The following ZC3HAV1 variants were observed in gnomAD, a reference collection of about 807,000 sequenced individuals.
ZC3HAV1 encodes the protein zinc finger CCCH-type containing, antiviral 1.
A neutral mutation model predicts 86.6 loss-of-function variants in ZC3HAV1; 41 were observed. The ratio of observed to expected loss-of-function variants is 0.47; its 90% CI spans 0.37 to 0.61. The LOEUF (loss-of-function observed/expected upper bound fraction) is 0.61. Ranked by LOEUF, ZC3HAV1 falls within the 20% of genes least tolerant of loss-of-function variation. The pLI, the probability that ZC3HAV1 is intolerant of heterozygous loss-of-function variation, is 0.00. For missense variants in ZC3HAV1, 964 were observed against 1,141.1 expected (o/e 0.84, Z 2.24); for synonymous variants, 421 against 432.1 (o/e 0.97, Z 0.32).
At position 139,064,964 on chromosome 7, in the gene ZC3HAV1, T is replaced by C. The variant is rs112428114; in HGVS notation, c.1908A>G (p.Ser636=). 8.7e-6 allele frequency: 14 copies of C among 1,614,058 alleles called. No homozygotes were observed. In the Admixed American group the frequency reaches 1.2e-4, roughly 13 times the overall value. The part of the protein sequence containing the change: ...DKRKNSNVDS[S]YLESLYQSCP... Reference sequence around the variant, plus strand: ...AGGATTGATAGAGAGACTCCAGGTATGAAGAGTCGACGTTTGAATTTTTCC... The same window carrying C: ...AGGATTGATAGAGAGACTCCAGGTACGAAGAGTCGACGTTTGAATTTTTCC... The change falls in exon 8 of 13, where the codon TCA becomes TCG. Residue 636 remains serine, a synonymous_variant. Coordinates refer to ENST00000242351, the MANE Select transcript of ZC3HAV1 (RefSeq NM_020119.4).
At chr7:139,090,278 C>T (rs1446769732) in intron 1 of ZC3HAV1, among the ~76,000 whole-genome samples, 1 of 152,098 alleles carries the variant, frequency 6.6e-6, no homozygotes, top group African/African-American at 2.4e-5. Context: ...ATATCATTGG[C>T]TTACACCTTT....
At chr7:139,088,434 C>T (rs1317733477) in intron 2 of ZC3HAV1, among the ~76,000 whole-genome samples, 3 of 152,216 alleles carry the variant, frequency 2.0e-5, no homozygotes, top group African/African-American at 7.2e-5. Context: ...GTCCATGTCA[C>T]ATCTTTTAAA....
At chr7:139,062,624 G>A (rs941359405) in intron 8 of ZC3HAV1, among the ~76,000 whole-genome samples, 4 of 152,100 alleles carry the variant, frequency 2.6e-5, no homozygotes, top group East Asian at 3.8e-4. Flanking sequence ...ATACAGGCTC[G>A]AAGAGCAACT....
chr7:139,107,600 C>A (rs4732352), intron 1 of ZC3HAV1, among the ~76,000 whole-genome samples: 36,559 of 151,776 alleles, frequency 0.24, 4,568 homozygotes, highest in East Asian at 0.44. Flanking sequence ...GTCAGGAGTT[C>A]GAGACCAGCC....
intron 1 of ZC3HAV1, among the ~76,000 whole-genome samples, chr7:139,103,652 AC>A (rs145375895): frequency 0.01 from 1,543 of 152,324 alleles, 27 homozygotes; most frequent in African/African-American, 0.035. Flanking sequence ...AAAAGCTCTA[AC>A]CATGAGCACC....
intron 1 of ZC3HAV1, among the ~76,000 whole-genome samples, chr7:139,093,551 T>G (rs1252167390): frequency 1.3e-5 from 2 of 152,176 alleles, no homozygotes. Context: ...CTGATGACAT[T>G]ACCTTGTGAA....
intron 1 of ZC3HAV1, among the ~76,000 whole-genome samples, chr7:139,106,385 G>A (rs1487920874): frequency 3.9e-5 from 6 of 152,308 alleles, no homozygotes; most frequent in East Asian, 3.9e-4. Context: ...GGCCTAGGCC[G>A]GCAGATCGCT....
rs978510508 is a variant in ZC3HAV1 at position 139,084,114 on chromosome 7, C to T, written c.445-82G>A. 3 of 1,540,866 alleles carry T rather than the reference C, an allele frequency of 1.9e-6. No homozygotes were observed. In the Admixed American group the frequency reaches 5.7e-5, roughly 29 times the overall value. ...ATTCATTAAGGCAAGCTCACGTGTG[C>T]AAAAATCTCTGAAGCAAGCAGAGAT... On this transcript the variant is annotated intron_variant, in intron 2 of 12. Coordinates refer to ENST00000242351, the MANE Select transcript of ZC3HAV1 (RefSeq NM_020119.4).
At chr7:139,051,880 T>C (rs567194533) in intron 12 of ZC3HAV1, among the ~76,000 whole-genome samples, 4 of 152,352 alleles carry the variant, frequency 2.6e-5, no homozygotes, top group African/African-American at 7.2e-5. Context: ...GGGGCAAGAA[T>C]TGAATTTAAT....
chr7:139,088,049 AAAAAAAG>A (rs1563137148), intron 2 of ZC3HAV1, among the ~76,000 whole-genome samples: 4 of 150,278 alleles, frequency 2.7e-5, no homozygotes, highest in Non-Finnish European at 4.4e-5. Flanking sequence ...AAAAAAAAAA[AAAAAAAG>A]AAAAAAGAAA....
At chr7:139,058,246 T>C (rs1457784335) in intron 9 of ZC3HAV1, among the ~76,000 whole-genome samples, 1 of 149,132 alleles carries the variant, frequency 6.7e-6, no homozygotes, top group Non-Finnish European at 1.5e-5. Context: ...TTATACAAAC[T>C]ATTCCAAGAC....
At chr7:139,106,646 A>G (rs547480875) in intron 1 of ZC3HAV1, among the ~76,000 whole-genome samples, 2 of 152,274 alleles carry the variant, frequency 1.3e-5, no homozygotes, top group African/African-American at 2.4e-5. Context: ...GATTATGTCT[A>G]TGTATCCTTT....
At position 139,044,996 on chromosome 7, in the gene ZC3HAV1, C is replaced by G. The variant is rs1204465563; in HGVS notation, c.*2598G>C. 2 of 152,182 alleles carry G rather than the reference C, an allele frequency of 1.3e-5. No individual in the cohort carries two copies. Among genetic ancestry groups the G allele is most frequent in the Non-Finnish European group, 2.9e-5 (2 of 68,038 alleles). The allele number at this position is 152,182 out of a possible 1,614,324, so 9.4% of individuals were successfully genotyped here. On this transcript the variant is annotated 3_prime_UTR_variant, in exon 13 of 13. Transcript: ENST00000242351. The stretch of plus-strand genomic sequence containing the variant: ...CATTTTCCCACATATGATCTGATCT[C>G]CTACCTTCTAAGTTCAAATTGATGC...
intron 11 of ZC3HAV1, 136 bp downstream of exon 11, chr7:139,053,827 GAA>G (rs34548487): frequency 4.4e-3 from 3,563 of 811,426 alleles, no homozygotes; most frequent in South Asian, 5.9e-3. Flanking sequence ...TTGATAGAAT[GAA>G]AAAAAAAAAA....
intron 7 of ZC3HAV1, among the ~76,000 whole-genome samples, chr7:139,065,626 C>T (rs1290667353): frequency 6.6e-6 from 1 of 152,156 alleles, no homozygotes; most frequent in Non-Finnish European, 1.5e-5. Flanking sequence ...GATGAGGTGG[C>T]CGGGTGCAGT....
At chr7:139,086,635 G>A (rs913441877) in intron 2 of ZC3HAV1, among the ~76,000 whole-genome samples, 1 of 152,144 alleles carries the variant, frequency 6.6e-6, no homozygotes, top group Admixed American at 6.5e-5. Flanking sequence ...TGGTTTGGCT[G>A]TGTCCCCACC....
chr7:139,100,967 C>G (rs1011681188), intron 1 of ZC3HAV1, among the ~76,000 whole-genome samples: 3 of 152,204 alleles, frequency 2.0e-5, no homozygotes, highest in African/African-American at 7.2e-5. Flanking sequence ...CTCAGCCTGC[C>G]GAGTGCCTGC....
intron 1 of ZC3HAV1, among the ~76,000 whole-genome samples, chr7:139,104,746 A>AT (rs1817879029): frequency 7.0e-6 from 1 of 142,042 alleles, no homozygotes; most frequent in Non-Finnish European, 1.5e-5. Flanking sequence ...AAAAAAAAAA[A>AT]GTCAAACAAG....
At chr7:139,060,846 T>C in intron 9 of ZC3HAV1, 190 bp downstream of exon 9, 1 of 1,500,586 alleles carries the variant, frequency 6.7e-7, no homozygotes, top group Non-Finnish European at 8.9e-7. Flanking sequence ...TTTTCCGATC[T>C]AGTATCCTTT....
Sources: allele counts gnomAD v4.1 joint callset (sites outside exome capture counted in the v4.1 genomes callset), GRCh38; gene constraint gnomAD v4.1.1; transcripts MANE v1.5; gene names NCBI Gene and HGNC (gene_info 2026-07-23, HGNC 2026-07-21).